MEGF11: variants seen among roughly 807,000 people sequenced by gnomAD.
The protein encoded by MEGF11 is multiple EGF like domains 11, also known as multiple epidermal growth factor-like domains protein 11.
Under a neutral mutation model 146.6 loss-of-function variants are expected in MEGF11, and 126 were observed. The ratio of observed to expected loss-of-function variants is 0.86; its 90% CI spans 0.74 to 1.00. The LOEUF is 1.00. Among genes scored for constraint, MEGF11 ranks in the 50% least tolerant of loss-of-function variants. MEGF11 has a pLI of 0.00. For synonymous variants in MEGF11, 532 were observed against 583.4 expected, an observed-to-expected ratio of 0.91 and a Z score of 1.27; for missense variants, 1,509 against 1,521.2, an observed-to-expected ratio of 0.99 and a Z score of 0.13.
At position 66,134,661 on chromosome 15, in the gene MEGF11, C is replaced by T. The variant is rs2088809719; in HGVS notation, c.-8-6250G>A. On this transcript the variant is annotated intron_variant, in intron 1 of 25. Coordinates refer to ENST00000395614, the MANE Select transcript of MEGF11 (RefSeq NM_001385028.1). ...GGGGATTTGTCCCCATTCCTGCCCC[C>T]TTAAAGAAAACATTCCTTAAACAAC... Among the ~76,000 whole-genome samples the T allele has an allele frequency of 2.6e-5, 4 of 152,378 alleles. No homozygotes were observed. The South Asian group carries it at 6.2e-4, about 24-fold the overall frequency.
intron 1 of MEGF11, among the ~76,000 whole-genome samples, chr15:66,174,488 C>T (rs1003517028): frequency 2.6e-5 from 4 of 152,168 alleles, no homozygotes; most frequent in African/African-American, 9.7e-5. Context: ...CCCTTCTTGC[C>T]TCCTGGCCTC....
intron 5 of MEGF11, among the ~76,000 whole-genome samples, chr15:65,983,693 A>T (rs2081742551): frequency 1.3e-5 from 2 of 152,158 alleles, no homozygotes; most frequent in Non-Finnish European, 2.9e-5. Flanking sequence ...GAAATCCCTC[A>T]GTCCTGGGCA....
chr15:66,129,957 GC>G (rs1419925843), intron 1 of MEGF11, among the ~76,000 whole-genome samples: 4 of 152,170 alleles, frequency 2.6e-5, no homozygotes, highest in Admixed American at 6.5e-5. Context: ...AAAGAGGGGA[GC>G]GATTCTGGTG....
At chr15:65,996,703 C>T (rs2082211711) in intron 5 of MEGF11, among the ~76,000 whole-genome samples, 1 of 152,168 alleles carries the variant, frequency 6.6e-6, no homozygotes, top group African/African-American at 2.4e-5. Flanking sequence ...CCAGGCTGGT[C>T]TCAAACTCCT....
At chr15:66,225,469 C>T (rs1056110561) in intron 1 of MEGF11, among the ~76,000 whole-genome samples, 15 of 152,206 alleles carry the variant, frequency 9.9e-5, no homozygotes, top group African/African-American at 3.6e-4. Context: ...TGGTGCCACC[C>T]TCTACCTTAC....
chr15:66,023,183 T>C (rs2083219860), intron 5 of MEGF11, among the ~76,000 whole-genome samples: 1 of 149,398 alleles, frequency 6.7e-6, no homozygotes, highest in Admixed American at 6.7e-5. Context: ...CTAGGTCCCT[T>C]GGGCTCAGAG....
chr15:66,189,527 C>A (rs1454142543), intron 1 of MEGF11, among the ~76,000 whole-genome samples: 2 of 152,148 alleles, frequency 1.3e-5, no homozygotes, highest in Non-Finnish European at 2.9e-5. Flanking sequence ...TGGAGCCCTG[C>A]AACCCTGGGG....
chr15:66,022,690 C>T (rs576587812), intron 5 of MEGF11, among the ~76,000 whole-genome samples: 5 of 150,242 alleles, frequency 3.3e-5, no homozygotes, highest in Non-Finnish European at 5.9e-5. Context: ...TTAGCTGAGG[C>T]GTGGTGGCGC....
At chr15:66,113,196 G>A (rs766609562) in intron 4 of MEGF11, among the ~76,000 whole-genome samples, 18 of 151,878 alleles carry the variant, frequency 1.2e-4, no homozygotes, top group Admixed American at 2.0e-4. Context: ...TGGCTCCCTC[G>A]GACACCATGT....
chr15:66,194,298 G>C (rs568813096), intron 1 of MEGF11, among the ~76,000 whole-genome samples: 1 of 152,272 alleles, frequency 6.6e-6, no homozygotes, highest in African/African-American at 2.4e-5. Flanking sequence ...TAAGCTGTGA[G>C]GACACAAAGG....
At chr15:65,907,832 C>A (rs1205527092) in intron 23 of MEGF11, among the ~76,000 whole-genome samples, 2 of 152,228 alleles carry the variant, frequency 1.3e-5, no homozygotes, top group African/African-American at 4.8e-5. Flanking sequence ...AGCTGAGTTA[C>A]AGTTAGAGCC....
At chr15:65,935,800 A>G (rs1173655685) in intron 10 of MEGF11, among the ~76,000 whole-genome samples, 2 of 152,158 alleles carry the variant, frequency 1.3e-5, no homozygotes, top group Non-Finnish European at 2.9e-5. Context: ...AGGTTCTAAC[A>G]CCTCAACAAG....
chr15:66,025,676 A>G (rs1176509566), intron 5 of MEGF11, among the ~76,000 whole-genome samples: 1 of 152,106 alleles, frequency 6.6e-6, no homozygotes, highest in African/African-American at 2.4e-5. Context: ...GGAACGGACC[A>G]TACCTCCTTT....
At chr15:66,221,640 A>G (rs948956582) in intron 1 of MEGF11, among the ~76,000 whole-genome samples, 4 of 141,226 alleles carry the variant, frequency 2.8e-5, no homozygotes, top group African/African-American at 1.1e-4. Flanking sequence ...TGTCTCTCCA[A>G]ATTCTGTCCA....
chr15:65,949,793 G>A (rs1263643716), intron 10 of MEGF11, among the ~76,000 whole-genome samples: 1 of 152,244 alleles, frequency 6.6e-6, no homozygotes, highest in African/African-American at 2.4e-5. Context: ...CAAGGTGGCA[G>A]TAATTAGTCC....
At chr15:66,207,629 T>C (rs1375605401) in intron 1 of MEGF11, among the ~76,000 whole-genome samples, 1 of 152,232 alleles carries the variant, frequency 6.6e-6, no homozygotes, top group African/African-American at 2.4e-5. Context: ...CGTCACTAAA[T>C]GTAACTACAT....
intron 4 of MEGF11, among the ~76,000 whole-genome samples, chr15:66,111,565 C>G (rs2087408072): frequency 6.6e-6 from 1 of 152,176 alleles, no homozygotes; most frequent in Admixed American, 6.5e-5. Flanking sequence ...GCCACCACCC[C>G]CCACCCCCAG....
intron 10 of MEGF11, among the ~76,000 whole-genome samples, chr15:65,948,826 AGT>A (rs56678880): frequency 0.2 from 30,219 of 151,076 alleles, 3,222 homozygotes; most frequent in Non-Finnish European, 0.24. Flanking sequence ...TGGGTACTGG[AGT>A]GTGTGTGTGT....
intron 15 of MEGF11, among the ~76,000 whole-genome samples, chr15:65,921,181 C>T (rs921764561): frequency 6.6e-6 from 1 of 152,166 alleles, no homozygotes; most frequent in African/African-American, 2.4e-5. Context: ...ATGGGTTCCC[C>T]TGGGAGGTAG....
Sources: allele counts gnomAD v4.1 joint callset (sites outside exome capture counted in the v4.1 genomes callset), GRCh38; gene constraint gnomAD v4.1.1; transcripts MANE v1.5; gene names NCBI Gene and HGNC (gene_info 2026-07-23, HGNC 2026-07-21).